APBA2: variants seen among roughly 807,000 people sequenced by gnomAD.
APBA2 encodes amyloid-beta A4 precursor protein-binding family A member 2.
A neutral mutation model predicts 75.0 loss-of-function variants in APBA2; 30 were observed. The ratio of observed to expected loss-of-function variants is 0.40; its 90% CI spans 0.30 to 0.54. The LOEUF (loss-of-function observed/expected upper bound fraction) is 0.54, where lower values mean the gene tolerates loss of function less well. APBA2 is among the 20% of genes least tolerant of loss of function. The probability of loss-of-function intolerance (pLI) is 0.49; values close to 1 mark genes in which losing one functional copy is unlikely to be tolerated. For missense variants in APBA2, 801 were observed against 1,016.1 expected, an observed-to-expected ratio of 0.79 and a Z score of 2.88; for synonymous variants, 444 against 409.6, an observed-to-expected ratio of 1.08 and a Z score of -1.01.
At chr15:29,013,273 CTT>C (rs560518234) in intron 3 of APBA2, among the ~76,000 whole-genome samples, 4,694 of 85,472 alleles carry the variant, frequency 0.055, 44 homozygotes, top group East Asian at 0.15. Context: ...ATGAGTCATT[CTT>C]TTTTTTTTTT....
intron 3 of APBA2, among the ~76,000 whole-genome samples, chr15:29,007,678 A>G (rs2039191646): frequency 6.6e-6 from 1 of 152,138 alleles, no homozygotes; most frequent in Non-Finnish European, 1.5e-5. Context: ...ACAAGATACC[A>G]CCTCATATCT....
chr15:28,890,749 G>A (rs140695505), intron 1 of APBA2, among the ~76,000 whole-genome samples: 77 of 152,310 alleles, frequency 5.1e-4, no homozygotes, highest in African/African-American at 1.8e-3. Flanking sequence ...GAGGCCTCTT[G>A]CCTGCGGTTG....
chr15:29,032,869 G>T (rs2040554004), intron 3 of APBA2, among the ~76,000 whole-genome samples: 2 of 152,192 alleles, frequency 1.3e-5, no homozygotes, highest in Non-Finnish European at 2.9e-5. Flanking sequence ...CACCCCTGCT[G>T]TGGAAATCAC....
chr15:28,948,242 G>A (rs1035889833), intron 2 of APBA2, among the ~76,000 whole-genome samples: 1 of 152,190 alleles, frequency 6.6e-6, no homozygotes, highest in African/African-American at 2.4e-5. Context: ...TCCTAAGAGG[G>A]GCCCTTTGGG....
intron 1 of APBA2, among the ~76,000 whole-genome samples, chr15:28,903,266 T>G (rs546330078): frequency 3.9e-5 from 6 of 152,280 alleles, no homozygotes; most frequent in Admixed American, 6.5e-5. Flanking sequence ...CATGTTTTTT[T>G]GGGGGGTGAT....
At chr15:29,081,897 C>T (rs2043098497) in intron 6 of APBA2, among the ~76,000 whole-genome samples, 1 of 152,226 alleles carries the variant, frequency 6.6e-6, no homozygotes, top group Admixed American at 6.5e-5. Context: ...GAGGCGGTTC[C>T]TGGCTATGGC....
intron 14 of APBA2, among the ~76,000 whole-genome samples, chr15:29,116,557 G>T (rs1435477842): frequency 1.3e-5 from 2 of 151,584 alleles, no homozygotes; most frequent in East Asian, 3.9e-4. Context: ...GAACCCGGGG[G>T]GCAGAGCTTG....
intron 2 of APBA2, among the ~76,000 whole-genome samples, chr15:28,989,897 G>T (rs1426671066): frequency 1.3e-5 from 2 of 152,180 alleles, no homozygotes; most frequent in Non-Finnish European, 2.9e-5. Context: ...CCAAGTTCCA[G>T]TTCTTAATAC....
intron 2 of APBA2, chr15:28,977,483 C>G (rs2037399642): frequency 6.6e-6 from 1 of 152,136 alleles, no homozygotes; most frequent in Non-Finnish European, 1.5e-5. Flanking sequence ...CCTCTAACAG[C>G]ATTTTAGAAG....
intron 4 of APBA2, among the ~76,000 whole-genome samples, chr15:29,058,138 A>G (rs1363892252): frequency 6.6e-6 from 1 of 152,052 alleles, no homozygotes; most frequent in Non-Finnish European, 1.5e-5. Context: ...GTACAGAGGG[A>G]TTTAATTGGA....
chr15:28,911,731 G>C (rs1432028495), intron 1 of APBA2, among the ~76,000 whole-genome samples: 5 of 152,150 alleles, frequency 3.3e-5, no homozygotes, highest in African/African-American at 7.2e-5. Context: ...TCCCCCCTTG[G>C]CTGTGCTGAG....
In APBA2 at chr15:28,907,598, G is replaced by A. The variant is rs1595431957; in HGVS notation, c.-204-14042G>A. On this transcript the variant is annotated intron_variant, in intron 1 of 14. Coordinates refer to ENST00000683413, the MANE Select transcript of APBA2 (RefSeq NM_001353788.2). ...GAGCCCCCAGCGGGATGGTCATTGCGGTGTCTCTGCACCTAAGTGATTTGT... is the reference window on the plus strand; with the variant it reads ...GAGCCCCCAGCGGGATGGTCATTGCAGTGTCTCTGCACCTAAGTGATTTGT... 2.6e-5 allele frequency among the ~76,000 whole-genome samples: 4 copies of A among 152,200 alleles called. No homozygotes were observed. In the South Asian group the frequency reaches 8.3e-4, roughly 32 times the overall value.
intron 3 of APBA2, among the ~76,000 whole-genome samples, chr15:29,032,030 A>T (rs2040513855): frequency 6.6e-6 from 1 of 152,234 alleles, no homozygotes; most frequent in Admixed American, 6.5e-5. Flanking sequence ...TCTCCTTGGA[A>T]GGGCTGTCTA....
Position 29,037,399 on chromosome 15 carries a change from T to C in APBA2, c.-40-16446T>C, listed in dbSNP as rs113590582. On this transcript the variant is annotated intron_variant, in intron 3 of 14. Transcript: ENST00000683413. ...GGTTCTAGGGACCAGGCAAACAGCC[T>C]GGGGTGAGTTACCAGAAGGATGATG... is the stretch of plus-strand genomic sequence containing the variant. Among the ~76,000 whole-genome samples, 924 of 152,254 alleles carry C rather than the reference T, an allele frequency of 6.1e-3. 10 individuals are homozygous for C. Among genetic ancestry groups the C allele is most frequent in the African/African-American group, 0.02 (839 of 41,538 alleles).
chr15:28,902,160 G>C (rs2032903198), intron 1 of APBA2, among the ~76,000 whole-genome samples: 1 of 152,058 alleles, frequency 6.6e-6, no homozygotes, highest in East Asian at 1.9e-4. Context: ...GTGCAGAAAG[G>C]GGAAGCAGAA....
intron 3 of APBA2, among the ~76,000 whole-genome samples, chr15:29,016,792 C>A (rs2039682847): frequency 6.6e-6 from 1 of 151,946 alleles, no homozygotes; most frequent in Non-Finnish European, 1.5e-5. Context: ...TTTTCTTTCC[C>A]CTCCCTTCCT....
intron 13 of APBA2, among the ~76,000 whole-genome samples, chr15:29,112,626 C>T (rs546417648): frequency 2.6e-5 from 4 of 152,310 alleles, no homozygotes; most frequent in African/African-American, 9.6e-5. Context: ...ACCCCCTTCT[C>T]TTCTAGTCCT....
At chr15:29,108,944 G>T (rs2152976078) in intron 13 of APBA2, among the ~76,000 whole-genome samples, 1 of 152,354 alleles carries the variant, frequency 6.6e-6, no homozygotes. Flanking sequence ...CCAGGCCAGA[G>T]TTCTTTAGCC....
At chr15:29,061,473 G>C (rs990510614) in intron 4 of APBA2, among the ~76,000 whole-genome samples, 3 of 152,148 alleles carry the variant, frequency 2.0e-5, no homozygotes, top group South Asian at 4.1e-4. Context: ...CATGATTTCT[G>C]TTTATCCCTG....
Sources: allele counts gnomAD v4.1 joint callset (sites outside exome capture counted in the v4.1 genomes callset), GRCh38; gene constraint gnomAD v4.1.1; transcripts MANE v1.5; gene names NCBI Gene and HGNC (gene_info 2026-07-23, HGNC 2026-07-21).